The following CNOT7 variants were observed in gnomAD, a reference collection of about 807,000 sequenced individuals.
CNOT7 encodes BTG1-binding factor 1.
In CNOT7, 4 loss-of-function variants were observed where a neutral mutation model predicts 37.1. That is an observed-to-expected ratio of 0.11 (90% CI 0.05 to 0.25). The LOEUF is 0.25. Among genes scored for constraint, CNOT7 ranks in the 10% least tolerant of loss-of-function variants. CNOT7 has a pLI of 1.00. For missense variants in CNOT7, 170 were observed against 336.2 expected (o/e 0.51, Z 3.87); for synonymous variants, 128 against 115.6 (o/e 1.11, Z -0.69).
chr8:17,236,179 T>C lies in CNOT7; in HGVS notation c.473+1033A>G, dbSNP rs538515173. Among the ~76,000 whole-genome samples the C allele has an allele frequency of 5.3e-5, 8 of 152,290 alleles. No individual in the cohort carries two copies. The South Asian group carries it at 1.7e-3, about 32-fold the overall frequency. On this transcript the variant is annotated intron_variant, in intron 4 of 6. Coordinates refer to ENST00000361272, the MANE Select transcript of CNOT7 (RefSeq NM_013354.7). The stretch of plus-strand genomic sequence containing the variant: ...CTCAACCATTTCTGGTTAGTACACA[T>C]CAAAGTTGCCCACATGAACAGTCCT...
At chr8:17,237,098 G>T in intron 4 of CNOT7, 114 bp downstream of exon 4, 1 of 972,334 alleles carries the variant, frequency 1.0e-6, no homozygotes, top group Non-Finnish European at 1.6e-6. Flanking sequence ...AACTCTATAT[G>T]GCAGTCAACT....
intron 5 of CNOT7, among the ~76,000 whole-genome samples, chr8:17,234,179 T>G (rs897537438): frequency 1.3e-4 from 20 of 152,258 alleles, no homozygotes; most frequent in African/African-American, 4.8e-4. Flanking sequence ...AGCTGACATC[T>G]TTTGGCCACA....
Position 17,225,489 on chromosome 8 carries a change from C to G in CNOT7, c.*5231G>C, listed in dbSNP as rs1356028768. On this transcript the variant is annotated 3_prime_UTR_variant, in exon 7 of 7. Transcript: ENST00000361272. ...TATGGCTACAAAGCAATGAAATGGA[C>G]TTCTAAAGAGAAATTGCTCAATTGC... 2 of 151,686 alleles carry G rather than the reference C, an allele frequency of 1.3e-5. No homozygotes were observed. Among genetic ancestry groups the G allele is most frequent in the Non-Finnish European group, 3.0e-5 (2 of 67,672 alleles). 9.4% of individuals were successfully genotyped at this position (151,686 alleles called of 1,614,324 possible). A position where few individuals can be genotyped will look rare whatever the true frequency, so the allele number is the denominator to read the frequency against.
rs1423075612 is a variant in CNOT7, at chr8:17,226,729, A to G, written c.*3991T>C. 1 of 151,816 alleles carries G rather than the reference A, an allele frequency of 6.6e-6. No individual in the cohort carries two copies. The highest frequency in any genetic ancestry group is 1.5e-5 in the Non-Finnish European group (1 of 67,764). 9.4% of individuals were successfully genotyped at this position (151,816 alleles called of 1,614,324 possible). On this transcript the variant is annotated 3_prime_UTR_variant, in exon 7 of 7. Coordinates refer to ENST00000361272, the MANE Select transcript of CNOT7 (RefSeq NM_013354.7). ...CAGAAAGTATATAAAGCAGCTTGAC[A>G]ATCTTAAGTTTTAGTTTTTATTGAA...
At chr8:17,232,576 C>T in intron 5 of CNOT7, 39 bp from the exon 6 acceptor site, 4 of 1,566,170 alleles carry the variant, frequency 2.6e-6, no homozygotes, top group Non-Finnish European at 2.6e-6. Context: ...GAAGAAAAAT[C>T]TTACAAGGCC....
Position 17,230,383 on chromosome 8 carries a change from GCTA to G in CNOT7, c.*334_*336del, listed in dbSNP as rs1311270306. 3 of 162,450 alleles carry G rather than the reference GCTA, an allele frequency of 1.8e-5. No homozygotes were observed. The highest frequency in any genetic ancestry group is 2.7e-5 in the Non-Finnish European group (2 of 74,794). The allele number at this position is 162,450 out of a possible 1,614,324, so 10.1% of individuals were successfully genotyped here. ...AACAGGGAAATAAATTACAGTCAGT[GCTA>G]GTTAATTTAGGAAAAGGGAAAAATA... On this transcript the variant is annotated 3_prime_UTR_variant, in exon 7 of 7. Coordinates refer to ENST00000361272, the MANE Select transcript of CNOT7 (RefSeq NM_013354.7).
intron 3 of CNOT7, among the ~76,000 whole-genome samples, chr8:17,239,732 A>G (rs1229805925): frequency 1.3e-5 from 2 of 151,770 alleles, no homozygotes; most frequent in Non-Finnish European, 1.5e-5. Flanking sequence ...TGACCTTGTG[A>G]TCCGCCCGCC....
chr8:17,243,456 A>AG, intron 2 of CNOT7: 1 of 571,446 alleles, frequency 1.7e-6, no homozygotes, highest in Middle Eastern at 2.7e-4. Context: ...TAACCAAGAA[A>AG]GGGGGGAAAA....
rs1808129267 is a variant in CNOT7 at position 17,226,027 on chromosome 8, G to T, written c.*4693C>A. The T allele has an allele frequency of 2.8e-5, 1 of 35,790 alleles. No homozygotes were observed. The highest frequency in any genetic ancestry group is 9.0e-5 in the Non-Finnish European group (1 of 11,138). The allele number at this position is 35,790 out of a possible 1,614,324, so 2.2% of individuals were successfully genotyped here. A position where few individuals can be genotyped will look rare whatever the true frequency, so the allele number is the denominator to read the frequency against. ...TTTCTTCTAGTAGAGAGGTGGACAA[G>T]CCTTTTTTTTTTTTTTTTTTTTTTT... On this transcript the variant is annotated 3_prime_UTR_variant, in exon 7 of 7. Transcript: ENST00000361272.
Position 17,229,573 on chromosome 8 carries a change from T to C in CNOT7, c.*1147A>G, listed in dbSNP as rs1433754685. On this transcript the variant is annotated 3_prime_UTR_variant, in exon 7 of 7. Coordinates refer to ENST00000361272, the MANE Select transcript of CNOT7 (RefSeq NM_013354.7). ...CTTTTGTCAATATATATAAAATAGA[T>C]TGCAAAGATATACACAAAAAAATAA... The C allele has an allele frequency of 2.0e-5, 3 of 151,924 alleles. No individual in the cohort carries two copies. The highest frequency in any genetic ancestry group is 4.4e-5 in the Non-Finnish European group (3 of 67,736). 9.4% of individuals were successfully genotyped at this position (151,924 alleles called of 1,614,324 possible). A position where few individuals can be genotyped will look rare whatever the true frequency, so the allele number is the denominator to read the frequency against.
intron 3 of CNOT7, among the ~76,000 whole-genome samples, chr8:17,241,089 A>T (rs1810100976): frequency 6.6e-6 from 1 of 152,204 alleles, no homozygotes; most frequent in East Asian, 1.9e-4. Context: ...ATTTTTAGAG[A>T]CAAAGTATCA....
intron 3 of CNOT7, chr8:17,241,840 A>G (rs1030491546): frequency 6.6e-6 from 1 of 152,236 alleles, no homozygotes; most frequent in Admixed American, 6.5e-5. Context: ...TTCTAGATAA[A>G]GACCAAAATA....
Position 17,230,622 on chromosome 8 carries a change from GA to G in CNOT7, c.*97del, listed in dbSNP as rs572148973. The G allele has an allele frequency of 3.0e-4, 303 of 1,008,770 alleles. 1 individual carries two copies. The highest frequency in any genetic ancestry group is 3.8e-4 in the East Asian group (14 of 36,410). 62.5% of individuals were successfully genotyped at this position (1,008,770 alleles called of 1,614,324 possible). A position where few individuals can be genotyped will look rare whatever the true frequency, so the allele number is the denominator to read the frequency against. On this transcript the variant is annotated 3_prime_UTR_variant, in exon 7 of 7. Transcript: ENST00000361272. Reference sequence around the variant, plus strand: ...ATAAAATGGGCCATGAAAGGGGGGGGAAAGGTACTGTCTATTGTTCGAGGGA... The same window carrying G: ...ATAAAATGGGCCATGAAAGGGGGGGGAAGGTACTGTCTATTGTTCGAGGGA...
chr8:17,230,617 G>T lies in CNOT7; in HGVS notation c.*103C>A, dbSNP rs550284219. 9.9e-5 allele frequency: 94 copies of T among 944,898 alleles called. No homozygotes were observed. In the Middle Eastern group the frequency reaches 2.7e-3, roughly 27 times the overall value. 58.5% of individuals were successfully genotyped at this position (944,898 alleles called of 1,614,324 possible). A position where few individuals can be genotyped will look rare whatever the true frequency, so the allele number is the denominator to read the frequency against. On this transcript the variant is annotated 3_prime_UTR_variant, in exon 7 of 7. Transcript: ENST00000361272. The stretch of plus-strand genomic sequence containing the variant: ...AGACAATAAAATGGGCCATGAAAGG[G>T]GGGGGAAAGGTACTGTCTATTGTTC...
chr8:17,232,657 TA>T, intron 5 of CNOT7, 120 bp from the exon 6 acceptor site: 1 of 783,178 alleles, frequency 1.3e-6, no homozygotes. Flanking sequence ...AGGTGAATCT[TA>T]TAAAGATTGG....
intron 1 of CNOT7, chr8:17,246,144 C>G (rs935491919): frequency 1.3e-5 from 2 of 152,200 alleles, no homozygotes; most frequent in African/African-American, 4.8e-5. Context: ...CTTGGAAAGA[C>G]CCTGTAGTCT....
chr8:17,246,363 A>C (rs777631025), intron 1 of CNOT7: 1 of 152,488 alleles, frequency 6.6e-6, no homozygotes, highest in Non-Finnish European at 1.5e-5. Context: ...CTGGAGCTAC[A>C]CTGACTCCCA....
chr8:17,232,053 C>A, intron 6 of CNOT7: 1 of 1,039,610 alleles, frequency 9.6e-7, no homozygotes. Flanking sequence ...GATTCCTTGC[C>A]TTGTAGGAGG....
At position 17,229,659 on chromosome 8, in the gene CNOT7, T is replaced by C. The variant is rs1488782882; in HGVS notation, c.*1061A>G. 1 of 151,626 alleles carries C rather than the reference T, an allele frequency of 6.6e-6. No individual in the cohort carries two copies. Among genetic ancestry groups the C allele is most frequent in the Non-Finnish European group, 1.5e-5 (1 of 67,724 alleles). 9.4% of individuals were successfully genotyped at this position (151,626 alleles called of 1,614,324 possible). ...ATATATATATGAGAATATATATATA[T>C]TTTGTTGTTTTGTACCAAATCTCTC... is the stretch of plus-strand genomic sequence containing the variant. On this transcript the variant is annotated 3_prime_UTR_variant, in exon 7 of 7. Transcript: ENST00000361272.
Sources: gnomAD v4.1 joint callset for allele counts (sites outside exome capture counted in the v4.1 genomes callset) on GRCh38, gnomAD v4.1.1 for gene constraint, MANE v1.5 for transcripts, NCBI Gene and HGNC (gene_info 2026-07-23, HGNC 2026-07-21) for gene names.